The following TACC2 variants were observed in gnomAD, a reference collection of about 807,000 sequenced individuals.
TACC2 encodes the protein transforming acidic coiled-coil containing protein 2.
Under a neutral mutation model 227.3 loss-of-function variants are expected in TACC2, and 137 were observed. The observed-to-expected ratio is 0.60, with a 90% CI of 0.52 to 0.69. The LOEUF (loss-of-function observed/expected upper bound fraction) is 0.69. TACC2 is among the 30% of genes least tolerant of loss of function. TACC2 has a pLI of 0.00. For synonymous variants in TACC2, 1,523 were observed against 1,487.5 expected, an observed-to-expected ratio of 1.02 and a Z score of -0.55; for missense variants, 3,470 against 3,694.4, an observed-to-expected ratio of 0.94 and a Z score of 1.57.
At chr10:122,151,840 A>G (rs2092075424) in intron 7 of TACC2, among the ~76,000 whole-genome samples, 1 of 152,124 alleles carries the variant, frequency 6.6e-6, no homozygotes, top group Non-Finnish European at 1.5e-5. Context: ...TTGATTGAGC[A>G]TTTGCTCTGT....
rs143830637 is a variant in TACC2 at position 122,107,898 on chromosome 10, C to CTT, written c.5573+19319_5573+19320dup. Among the ~76,000 whole-genome samples the CTT allele has an allele frequency of 4.9e-3, 526 of 108,362 alleles. 1 individual carries two copies. Among genetic ancestry groups the CTT allele is most frequent in the African/African-American group, 7.7e-3 (215 of 28,060 alleles). 71.1% of individuals were successfully genotyped at this position (108,362 alleles called of 152,430 possible). Reference sequence around the variant, plus strand: ...TATATATATTTTTTTTTTCTTTTTTCTTTTTTTTTTTTTGAGACGGAGTCT... The same window carrying CTT: ...TATATATATTTTTTTTTTCTTTTTTCTTTTTTTTTTTTTTTGAGACGGAGTCT... On this transcript the variant is annotated intron_variant, in intron 5 of 22. Coordinates refer to ENST00000369005, the MANE Select transcript of TACC2 (RefSeq NM_206862.4).
chr10:122,141,427 G>A lies in TACC2; in HGVS notation c.5700-2145G>A, dbSNP rs1329128631. Among the ~76,000 whole-genome samples, 4 of 152,258 alleles carry A rather than the reference G, an allele frequency of 2.6e-5. No homozygotes were observed. Among genetic ancestry groups the A allele is most frequent in the East Asian group, 1.9e-4 (1 of 5,174 alleles). On this transcript the variant is annotated intron_variant, in intron 6 of 22. Transcript: ENST00000369005. This position sits in a 1 kb window ranked among gnomAD's most constrained non-coding sequence, Gnocchi z 4.3. The stretch of plus-strand genomic sequence containing the variant: ...ACCCAGCCAGCGCAGGAAGGGTGTG[G>A]CCATGGCAGTTGGGACCAACAGAAG...
intron 2 of TACC2, among the ~76,000 whole-genome samples, chr10:122,028,719 C>T (rs1958419007): frequency 6.7e-6 from 1 of 149,252 alleles, no homozygotes; most frequent in South Asian, 2.2e-4. Context: ...TATACCCTTC[C>T]TTCCTTCCTT....
chr10:122,060,732 C>T (rs765317102), intron 3 of TACC2, among the ~76,000 whole-genome samples: 5 of 152,204 alleles, frequency 3.3e-5, no homozygotes, highest in African/African-American at 1.2e-4. Flanking sequence ...AGGCCAGGTG[C>T]GGTGGCTCAT....
chr10:122,116,605 T>C (rs1251808331), intron 5 of TACC2, among the ~76,000 whole-genome samples: 3 of 152,210 alleles, frequency 2.0e-5, no homozygotes, highest in Non-Finnish European at 2.9e-5. Context: ...AGTGAAGTCA[T>C]GCACATGAAT....
At chr10:122,143,844 T>C in intron 7 of TACC2, 138 bp downstream of exon 7, 2 of 960,182 alleles carry the variant, frequency 2.1e-6, no homozygotes, top group South Asian at 1.7e-5. Flanking sequence ...AGACCATGTC[T>C]CTGACCCTTT....
Position 122,086,360 on chromosome 10 carries a change from T to G in TACC2, c.3860T>G (p.Phe1287Cys). 6.2e-7 allele frequency: 1 copy of G among 1,613,698 alleles called. No homozygotes were observed. Among genetic ancestry groups the G allele is most frequent in the Non-Finnish European group, 8.5e-7 (1 of 1,180,012 alleles). Residue 1287 changes from phenylalanine (F) to cysteine (C), a missense_variant, in exon 4 of 23, where the codon TTT becomes TGT. Phe to Cys is a radical substitution (Grantham distance 205). Transcript: ENST00000369005. Reference protein sequence around the residue: ...ALENAASLKLFAGSLAPLLQP... With the variant: ...ALENAASLKLCAGSLAPLLQP... The stretch of plus-strand genomic sequence containing the variant: ...GAAAATGCTGCCTCCTTGAAGCTGT[T>G]TGCTGGCTCCCTCGCCCCCCTGTTG...
chr10:122,084,825 T>G lies in TACC2; in HGVS notation c.2325T>G (p.His775Gln). ...PACDASRQEF[H>Q]AGVPHPPQGE... is the part of the protein sequence containing the mutation. ...GTGATGCGTCGAGACAGGAATTTCA[T>G]GCTGGGGTGCCACATCCCCCCCAGG... Residue 775 changes from histidine (H) to glutamine (Q), a missense_variant, in exon 4 of 23, where the codon CAT (histidine) becomes CAG (glutamine). This residue lies in a region of TACC2 where 1,924 missense variants were observed against 1,978.3 expected (regional missense o/e 0.97). Transcript: ENST00000369005. 6.2e-7 allele frequency: 1 copy of G among 1,613,778 alleles called. No homozygotes were observed. Among genetic ancestry groups the G allele is most frequent in the Non-Finnish European group, 8.5e-7 (1 of 1,180,030 alleles).
chr10:122,031,375 C>T (rs920573984), intron 2 of TACC2, among the ~76,000 whole-genome samples: 54 of 146,756 alleles, frequency 3.7e-4, no homozygotes, highest in African/African-American at 1.3e-3. Context: ...TTCCATGCTT[C>T]TTCCGGCCAA....
Position 122,085,035 on chromosome 10 carries a change from C to T in TACC2, c.2535C>T (p.Leu845=), listed in dbSNP as rs750959270. The T allele has an allele frequency of 2.5e-6, 4 of 1,614,066 alleles. No individual in the cohort carries two copies. The South Asian group carries it at 4.4e-5, about 18-fold the overall frequency. The change falls in exon 4 of 23, where the codon CTC becomes CTT. Residue 845 remains leucine, a synonymous_variant. Coordinates refer to ENST00000369005, the MANE Select transcript of TACC2 (RefSeq NM_206862.4). ...AQPETSIFDV[L]KEQAQPPENG... ...CAGAGACATCCATCTTTGACGTGCT[C>T]AAGGAGCAGGCCCAGCCACCTGAAA...
At chr10:122,039,014 C>T (rs1423227148) in intron 2 of TACC2, among the ~76,000 whole-genome samples, 2 of 152,158 alleles carry the variant, frequency 1.3e-5, no homozygotes, top group East Asian at 3.9e-4. Context: ...CTCACTCTGT[C>T]AGCCAGGCTG....
rs1554979445 is a variant in TACC2 at position 122,048,415 on chromosome 10, C to CCTT, written c.34-2022_34-2021insTTC. ...CCCTTTCCTTCCTTCCTCCCTCCCT[C>CCTT]CCTTCCTTCCCTCCTTGCTTCCTCC... On this transcript the variant is annotated intron_variant, in intron 2 of 22. Transcript: ENST00000369005. 2.8e-3 allele frequency among the ~76,000 whole-genome samples: 362 copies of CCTT among 131,404 alleles called. 3 individuals carry two copies. Among genetic ancestry groups the CCTT allele is most frequent in the East Asian group, 5.1e-3 (21 of 4,142 alleles). The allele number at this position is 131,404 out of a possible 152,430, so 86.2% of individuals were successfully genotyped here.
At chr10:122,090,093 A>G (rs1448671895) in intron 5 of TACC2, among the ~76,000 whole-genome samples, 1 of 151,784 alleles carries the variant, frequency 6.6e-6, no homozygotes, top group Non-Finnish European at 1.5e-5. Context: ...GTCCTTAAAC[A>G]TGTTAGCACC....
At chr10:122,212,333 AC>A (rs1298088003) in intron 9 of TACC2, among the ~76,000 whole-genome samples, 2 of 152,144 alleles carry the variant, frequency 1.3e-5, no homozygotes, top group East Asian at 1.9e-4. Flanking sequence ...GATAAATGGA[AC>A]CTGAAAGTGG....
intron 2 of TACC2, among the ~76,000 whole-genome samples, chr10:122,044,821 CTGTT>C (rs949686440): frequency 7.2e-5 from 11 of 151,726 alleles, no homozygotes; most frequent in Non-Finnish European, 1.5e-4. Flanking sequence ...CAACGAAAGA[CTGTT>C]TGTTTACTCA....
At chr10:122,069,520 G>C (rs1448387524) in intron 3 of TACC2, among the ~76,000 whole-genome samples, 1 of 152,174 alleles carries the variant, frequency 6.6e-6, no homozygotes, top group African/African-American at 2.4e-5. Context: ...GGGATTACAG[G>C]TGTGAGCCAC....
intron 6 of TACC2, among the ~76,000 whole-genome samples, chr10:122,140,026 T>C (rs1178895096): frequency 6.6e-6 from 1 of 152,212 alleles, no homozygotes; most frequent in African/African-American, 2.4e-5. Flanking sequence ...GCTGACGGTG[T>C]CTCACTGCGG....
At chr10:122,108,565 C>A (rs983655544) in intron 5 of TACC2, among the ~76,000 whole-genome samples, 1 of 149,780 alleles carries the variant, frequency 6.7e-6, no homozygotes, top group Non-Finnish European at 1.5e-5. Context: ...CCTACCTCAG[C>A]CTCCTGAGTA....
At chr10:122,242,126 A>G in intron 19 of TACC2, 125 bp downstream of exon 19, 3 of 863,846 alleles carry the variant, frequency 3.5e-6, no homozygotes, top group Non-Finnish European at 5.8e-6. Flanking sequence ...GGGAAGGACC[A>G]GAGCATTCCA....
Sources: gnomAD v4.1 joint callset for allele counts (sites outside exome capture counted in the v4.1 genomes callset) on GRCh38, gnomAD v4.1.1 for gene constraint, gnomAD v4.1.1 regional missense constraint, Gnocchi (gnomAD v3.1) non-coding constraint, MANE v1.5 for transcripts, NCBI Gene and HGNC (gene_info 2026-07-23, HGNC 2026-07-21) for gene names.